The following ARHGAP20 variants were observed in gnomAD, a reference collection of about 807,000 sequenced individuals.
The protein encoded by ARHGAP20 is Rho GTPase activating protein 20.
In ARHGAP20, 34 loss-of-function variants were observed where a neutral mutation model predicts 73.7. The observed-to-expected ratio is 0.46, with a 90% confidence interval of 0.35 to 0.61. ARHGAP20 has a LOEUF of 0.61. Ranked by LOEUF, ARHGAP20 falls within the 20% of genes least tolerant of loss-of-function variation. The probability of loss-of-function intolerance (pLI) is 0.00; values close to 1 mark genes in which losing one functional copy is unlikely to be tolerated. For synonymous variants in ARHGAP20, 523 were observed against 518.2 expected (o/e 1.01, Z -0.13); for missense variants, 1,314 against 1,420.9 (o/e 0.92, Z 1.21).
intron 3 of ARHGAP20, among the ~76,000 whole-genome samples, chr11:110,625,099 G>A (rs1483160192): frequency 2.7e-5 from 4 of 148,014 alleles, no homozygotes; most frequent in Non-Finnish European, 4.5e-5. Flanking sequence ...CTGCAGTGGC[G>A]CAATCTCGGC....
chr11:110,659,837 C>G (rs1285769506), intron 2 of ARHGAP20, among the ~76,000 whole-genome samples: 1 of 147,446 alleles, frequency 6.8e-6, no homozygotes. Flanking sequence ...TCTCACTCAT[C>G]GGTGGGAACT....
At chr11:110,641,688 C>T (rs1461954239) in intron 2 of ARHGAP20, among the ~76,000 whole-genome samples, 2 of 151,940 alleles carry the variant, frequency 1.3e-5, no homozygotes, top group African/African-American at 4.8e-5. Flanking sequence ...GGAGCAAGAC[C>T]CTATCTCAAA....
chr11:110,642,130 AAACT>A (rs1340705243), intron 2 of ARHGAP20, among the ~76,000 whole-genome samples: 10 of 152,106 alleles, frequency 6.6e-5, no homozygotes, highest in African/African-American at 9.6e-5. Context: ...TAAAGTTAAA[AAACT>A]AACTGATTTT....
In ARHGAP20 at chr11:110,590,774, G is replaced by A. The variant is rs1947805709; in HGVS notation, c.1179C>T (p.Leu393=). Residue 393 remains leucine (L), a synonymous_variant, in exon 11 of 15, where the codon CTC becomes CTT. Transcript: ENST00000683387. ...CTGATTGCCTGAAGATACCTTTGGT[G>A]AGAGGTCCTTTTTGATTAAGAAAGA... ...MLFFLNQKGP[L]TKGIFRQSAN... 6.2e-7 allele frequency: 1 copy of A among 1,613,676 alleles called. No homozygotes were observed. The highest frequency in any genetic ancestry group is 8.5e-7 in the Non-Finnish European group (1 of 1,179,926).
At chr11:110,664,727 C>CAAAAAAA (rs34643863) in intron 2 of ARHGAP20, among the ~76,000 whole-genome samples, 19 of 87,978 alleles carry the variant, frequency 2.2e-4, no homozygotes, top group South Asian at 7.2e-4. Flanking sequence ...GACTCCGTCT[C>CAAAAAAA]AAAAAAAAAA....
chr11:110,698,675 TCTC>T (rs1188231138), intron 1 of ARHGAP20, among the ~76,000 whole-genome samples: 2 of 151,906 alleles, frequency 1.3e-5, no homozygotes, highest in East Asian at 1.9e-4. Context: ...AATTTATCCA[TCTC>T]CTCTAGATTT....
At chr11:110,598,293 C>T (rs1948023607) in intron 9 of ARHGAP20, among the ~76,000 whole-genome samples, 1 of 151,762 alleles carries the variant, frequency 6.6e-6, no homozygotes, top group East Asian at 1.9e-4. Context: ...AGTCCTAGGT[C>T]TGAAGCAGGT....
At chr11:110,669,252 AT>A (rs1949782583) in intron 2 of ARHGAP20, among the ~76,000 whole-genome samples, 5 of 152,152 alleles carry the variant, frequency 3.3e-5, no homozygotes, top group Non-Finnish European at 7.4e-5. Context: ...TGCCAGTAGA[AT>A]TTTCTGAAAT....
intron 9 of ARHGAP20, among the ~76,000 whole-genome samples, chr11:110,599,848 A>G (rs1337590050): frequency 6.6e-6 from 1 of 152,028 alleles, no homozygotes; most frequent in Non-Finnish European, 1.5e-5. Context: ...TACCCACTCC[A>G]GGGCCTCCTC....
At chr11:110,695,978 G>A (rs75988495) in intron 1 of ARHGAP20, among the ~76,000 whole-genome samples, 26,443 of 151,360 alleles carry the variant, frequency 0.17, 2,329 homozygotes, top group South Asian at 0.31. Flanking sequence ...ACAAAATATT[G>A]CTTGGCAACA....
intron 2 of ARHGAP20, among the ~76,000 whole-genome samples, chr11:110,678,461 T>C (rs987767089): frequency 6.6e-6 from 1 of 152,200 alleles, no homozygotes; most frequent in African/African-American, 2.4e-5. Flanking sequence ...GAATTGGCCT[T>C]TTCATTTATA....
At chr11:110,589,398 C>T in intron 11 of ARHGAP20, 1 of 984,822 alleles carries the variant, frequency 1.0e-6, no homozygotes, top group Non-Finnish European at 1.2e-6. Context: ...TATATAAAGT[C>T]ATGAAGTAAC....
intron 1 of ARHGAP20, among the ~76,000 whole-genome samples, chr11:110,708,259 T>C (rs1443576813): frequency 1.3e-5 from 2 of 152,126 alleles, no homozygotes; most frequent in East Asian, 3.8e-4. Flanking sequence ...TAATAAGTAC[T>C]GGTGAAAATT....
At chr11:110,614,695 C>T (rs375122674) in intron 5 of ARHGAP20, 50 bp from the exon 6 acceptor site, 211 of 1,168,532 alleles carry the variant, frequency 1.8e-4, no homozygotes, top group Non-Finnish European at 2.5e-4. Flanking sequence ...AGATGGAATT[C>T]GCTAATGGCT....
chr11:110,693,380 G>T (rs1421221690), intron 1 of ARHGAP20, among the ~76,000 whole-genome samples: 2 of 151,900 alleles, frequency 1.3e-5, no homozygotes, highest in African/African-American at 2.4e-5. Context: ...CTCACAAAAT[G>T]AGACAGTTTG....
intron 2 of ARHGAP20, among the ~76,000 whole-genome samples, chr11:110,642,773 T>C (rs940002718): frequency 1.3e-5 from 2 of 152,104 alleles, no homozygotes; most frequent in African/African-American, 4.8e-5. Context: ...TTGCCAAATT[T>C]TGATATCAAG....
intron 9 of ARHGAP20, among the ~76,000 whole-genome samples, chr11:110,597,239 T>C (rs955038074): frequency 6.6e-6 from 1 of 150,630 alleles, no homozygotes; most frequent in African/African-American, 2.5e-5. Flanking sequence ...TGTATACATA[T>C]GTAACAAGCC....
Position 110,690,577 on chromosome 11 carries a change from T to C in ARHGAP20, c.158A>G (p.Asp53Gly). The C allele has an allele frequency of 6.2e-7, 1 of 1,614,080 alleles. No homozygotes were observed. Among genetic ancestry groups the C allele is most frequent in the African/African-American group, 1.3e-5 (1 of 75,054 alleles). The change falls in exon 2 of 15, where the codon GAT becomes GGT. Residue 53 changes from aspartate (D) to glycine (G), a missense_variant. Around this residue, in one of 3 missense-constraint regions of ARHGAP20, gnomAD observed 443 missense variants for 466.4 expected, o/e 0.95. Transcript: ENST00000683387. ...AGTAGGCCGTTTTTGTAGGGCTTTA[T>C]CCAGGATAAGAGATGGAGCGCTCCT... ...RRRSAPSLIL[D>G]KALQKRPTTR...
At chr11:110,619,498 A>G (rs946323287) in intron 4 of ARHGAP20, among the ~76,000 whole-genome samples, 5 of 151,152 alleles carry the variant, frequency 3.3e-5, no homozygotes, top group African/African-American at 1.2e-4. Context: ...GTGATAGAGT[A>G]TATGTAGTGA....
Sources: gnomAD v4.1 joint callset for allele counts (sites outside exome capture counted in the v4.1 genomes callset) on GRCh38, gnomAD v4.1.1 for gene constraint, gnomAD v4.1.1 regional missense constraint, MANE v1.5 for transcripts, NCBI Gene and HGNC (gene_info 2026-07-23, HGNC 2026-07-21) for gene names.